Variants in MAGI3 observed in about 807,000 individuals in gnomAD.
The protein encoded by MAGI3 is membrane associated guanylate kinase, WW and PDZ domain containing 3.
In MAGI3, 43 loss-of-function variants were observed where a neutral mutation model predicts 121.8. That is an observed-to-expected ratio of 0.35 (90% confidence interval 0.28 to 0.46). The LOEUF (loss-of-function observed/expected upper bound fraction) is 0.46. MAGI3 is among the 20% of genes least tolerant of loss of function. MAGI3 has a pLI of 1.00. For missense variants in MAGI3, 1,547 were observed against 1,797.3 expected (o/e 0.86, Z 2.52); for synonymous variants, 553 against 639.3 (o/e 0.86, Z 2.04).
At chr1:113,430,411 C>A (rs556036469) in intron 1 of MAGI3, among the ~76,000 whole-genome samples, 2 of 152,270 alleles carry the variant, frequency 1.3e-5, no homozygotes, top group Non-Finnish European at 2.9e-5. Flanking sequence ...TTACTGTAAA[C>A]TGAGACTTTT....
intron 1 of MAGI3, among the ~76,000 whole-genome samples, chr1:113,473,831 G>A (rs1655668477): frequency 6.6e-6 from 1 of 152,140 alleles, no homozygotes; most frequent in Non-Finnish European, 1.5e-5. Flanking sequence ...AGATCCTTGA[G>A]GAATCGCCAC....
chr1:113,592,012 G>C (rs1342844872), intron 5 of MAGI3, among the ~76,000 whole-genome samples: 1 of 152,060 alleles, frequency 6.6e-6, no homozygotes, highest in African/African-American at 2.4e-5. Flanking sequence ...TACAACATTG[G>C]ATTTGCCAAG....
chr1:113,586,297 T>A (rs1648361166), intron 4 of MAGI3, among the ~76,000 whole-genome samples: 3 of 152,172 alleles, frequency 2.0e-5, no homozygotes, highest in Non-Finnish European at 4.4e-5. Flanking sequence ...GCTGAAGTTT[T>A]CCTTTTTTTA....
At chr1:113,617,897 A>G (rs1355409328) in intron 7 of MAGI3, among the ~76,000 whole-genome samples, 1 of 152,204 alleles carries the variant, frequency 6.6e-6, no homozygotes, top group African/African-American at 2.4e-5. Flanking sequence ...CTTGAGTGTC[A>G]GTGAAATCAG....
intron 1 of MAGI3, among the ~76,000 whole-genome samples, chr1:113,529,416 T>A (rs1283575507): frequency 6.6e-6 from 1 of 152,216 alleles, no homozygotes; most frequent in Non-Finnish European, 1.5e-5. Flanking sequence ...TGTGTCCTTA[T>A]GAGGCAGAAG....
chr1:113,520,577 T>A (rs1463048459), intron 1 of MAGI3, among the ~76,000 whole-genome samples: 1 of 151,858 alleles, frequency 6.6e-6, no homozygotes, highest in Admixed American at 6.6e-5. Flanking sequence ...TTAAAAAAAA[T>A]TTTAGTCTCC....
chr1:113,683,681 TA>T lies in MAGI3; in HGVS notation c.4115del (p.Asn1372IlefsTer17). 6.2e-7 allele frequency: 1 copy of T among 1,604,802 alleles called. No individual in the cohort carries two copies. The highest frequency in any genetic ancestry group is 8.5e-7 in the Non-Finnish European group (1 of 1,175,594). ...AGAAATCTCTTCCATCCAAAATGAC[TA>T]ATAAGACTACAAGTAAAGAAGTATC... ...VEKSLPSKMT[N>X]KTTSKEVSEN... On this transcript the variant is annotated frameshift_variant, in exon 21 of 21. Transcript: ENST00000307546. LOFTEE classifies it low-confidence loss of function (END_TRUNC).
intron 19 of MAGI3, among the ~76,000 whole-genome samples, chr1:113,680,554 G>A (rs1217672135): frequency 4.0e-5 from 6 of 151,860 alleles, no homozygotes; most frequent in Non-Finnish European, 7.4e-5. Context: ...TCAGGAGATC[G>A]AGACCATCCT....
Position 113,559,715 on chromosome 1 carries a change from C to T in MAGI3, c.433+10084C>T, listed in dbSNP as rs184052471. Reference sequence around the variant, plus strand: ...CCTGAATAGCTGGGACTATAGGTGCCCACCACCACACTTGGCTAATTTTTT... The same window carrying T: ...CCTGAATAGCTGGGACTATAGGTGCTCACCACCACACTTGGCTAATTTTTT... On this transcript the variant is annotated intron_variant, in intron 2 of 20. Coordinates refer to ENST00000307546, the MANE Select transcript of MAGI3 (RefSeq NM_001142782.2). Among the ~76,000 whole-genome samples the T allele has an allele frequency of 3.3e-5, 5 of 152,080 alleles. No homozygotes were observed. In the East Asian group the frequency reaches 7.7e-4, roughly 24 times the overall value.
At chr1:113,490,354 CA>C (rs1656609697) in intron 1 of MAGI3, among the ~76,000 whole-genome samples, 1 of 152,162 alleles carries the variant, frequency 6.6e-6, no homozygotes, top group Non-Finnish European at 1.5e-5. Context: ...TCATTACTAC[CA>C]GACCTGCCTT....
At chr1:113,529,208 A>G (rs959767060) in intron 1 of MAGI3, among the ~76,000 whole-genome samples, 1 of 152,168 alleles carries the variant, frequency 6.6e-6, no homozygotes, top group African/African-American at 2.4e-5. Flanking sequence ...GTGTGTTTCT[A>G]TGTGTTGTGA....
chr1:113,635,774 T>G (rs1381144679), intron 9 of MAGI3, among the ~76,000 whole-genome samples: 1 of 152,126 alleles, frequency 6.6e-6, no homozygotes, highest in Admixed American at 6.5e-5. Context: ...TCTTTTTCTA[T>G]TGATTGGAAT....
intron 1 of MAGI3, among the ~76,000 whole-genome samples, chr1:113,473,244 T>C (rs1057277317): frequency 1.3e-5 from 2 of 152,260 alleles, no homozygotes; most frequent in African/African-American, 2.4e-5. Flanking sequence ...CATTTTTTTT[T>C]CTTCCAGTAC....
chr1:113,629,939 AACC>A (rs1026607884), intron 9 of MAGI3, among the ~76,000 whole-genome samples: 4 of 151,916 alleles, frequency 2.6e-5, no homozygotes, highest in Middle Eastern at 3.4e-3. Flanking sequence ...AGCCAGCTGT[AACC>A]ACTACCTGGC....
chr1:113,672,222 G>C (rs1647600638), intron 17 of MAGI3, among the ~76,000 whole-genome samples: 1 of 152,206 alleles, frequency 6.6e-6, no homozygotes, highest in African/African-American at 2.4e-5. Flanking sequence ...GTGTATTTCT[G>C]TCTTCTTTCA....
At chr1:113,517,429 G>GA (rs149798012) in intron 1 of MAGI3, among the ~76,000 whole-genome samples, 1 of 151,636 alleles carries the variant, frequency 6.6e-6, no homozygotes, top group Non-Finnish European at 1.5e-5. Context: ...ATACCATAGA[G>GA]AAAAAAAGTA....
chr1:113,621,145 G>A (rs977421981), intron 8 of MAGI3, among the ~76,000 whole-genome samples: 2 of 152,114 alleles, frequency 1.3e-5, no homozygotes, highest in African/African-American at 4.8e-5. Context: ...AATTTTAAAG[G>A]AGCAAGAAAG....
intron 9 of MAGI3, among the ~76,000 whole-genome samples, chr1:113,625,556 C>T (rs1001843511): frequency 6.6e-6 from 1 of 152,174 alleles, no homozygotes; most frequent in African/African-American, 2.4e-5. Flanking sequence ...TATCCTGCAA[C>T]TTTACTGAAT....
At chr1:113,576,084 T>G (rs943324530) in intron 2 of MAGI3, among the ~76,000 whole-genome samples, 1 of 152,214 alleles carries the variant, frequency 6.6e-6, no homozygotes, top group Non-Finnish European at 1.5e-5. Flanking sequence ...ACTGCTGTGC[T>G]GGCACTGAGA....
Sources: allele counts gnomAD v4.1 joint callset (sites outside exome capture counted in the v4.1 genomes callset), GRCh38; gene constraint gnomAD v4.1.1; transcripts MANE v1.5; gene names NCBI Gene and HGNC (gene_info 2026-07-23, HGNC 2026-07-21).